The following CNBD1 variants were observed in gnomAD, a reference collection of about 807,000 sequenced individuals.
CNBD1 encodes the protein cyclic nucleotide binding domain containing 1, also known as cyclic nucleotide-binding domain-containing protein 1.
A neutral mutation model predicts 54.4 loss-of-function variants in CNBD1; 71 were observed. The ratio of observed to expected loss-of-function variants is 1.30; its 90% CI spans 1.08 to 1.59. The LOEUF (loss-of-function observed/expected upper bound fraction) is 1.59, where lower values mean the gene tolerates loss of function less well. CNBD1 is among the 40% of genes most tolerant of loss of function. The probability of loss-of-function intolerance (pLI) is 0.00; values close to 1 mark genes in which losing one functional copy is unlikely to be tolerated. For missense variants in CNBD1, 659 were observed against 518.0 expected, an observed-to-expected ratio of 1.27 and a Z score of -2.64; for synonymous variants, 182 against 170.7, an observed-to-expected ratio of 1.07 and a Z score of -0.51.
chr8:86,901,959 T>C (rs1328427968), intron 2 of CNBD1, among the ~76,000 whole-genome samples: 1 of 152,144 alleles, frequency 6.6e-6, no homozygotes, highest in African/African-American at 2.4e-5. Context: ...TGATGAGAAA[T>C]GGAAGACCCT....
chr8:87,362,490 C>CTATA (rs1810542395), intron 10 of CNBD1, among the ~76,000 whole-genome samples: 1 of 152,078 alleles, frequency 6.6e-6, no homozygotes, highest in Non-Finnish European at 1.5e-5. Context: ...TGTTGGGCAC[C>CTATA]TATAGCCTTT....
At chr8:87,344,164 C>T (rs895695482) in intron 8 of CNBD1, among the ~76,000 whole-genome samples, 1 of 152,014 alleles carries the variant, frequency 6.6e-6, no homozygotes, top group East Asian at 1.9e-4. Flanking sequence ...AGTTATTTAA[C>T]CCAACATAAT....
intron 8 of CNBD1, among the ~76,000 whole-genome samples, chr8:87,301,360 C>A (rs1325006125): frequency 6.6e-6 from 1 of 152,042 alleles, no homozygotes; most frequent in East Asian, 1.9e-4. Flanking sequence ...GCCAGCATCA[C>A]CCTAATACCA....
At chr8:87,321,092 C>T (rs947746672) in intron 8 of CNBD1, among the ~76,000 whole-genome samples, 2 of 146,360 alleles carry the variant, frequency 1.4e-5, no homozygotes, top group African/African-American at 5.0e-5. Flanking sequence ...ATTCTTTTGT[C>T]AATATCACTT....
At chr8:87,102,566 C>T (rs1281091281) in intron 4 of CNBD1, among the ~76,000 whole-genome samples, 3 of 152,118 alleles carry the variant, frequency 2.0e-5, no homozygotes, top group African/African-American at 4.8e-5. Flanking sequence ...GTAAACAACT[C>T]TGACATTTGA....
chr8:87,392,988 C>A (rs774428920), intron 2 of CNBD1, among the ~76,000 whole-genome samples: 1 of 151,682 alleles, frequency 6.6e-6, no homozygotes, highest in East Asian at 1.9e-4. Flanking sequence ...AGTGGTTCTA[C>A]GTAACATTTT....
intron 4 of CNBD1, among the ~76,000 whole-genome samples, chr8:87,081,738 C>T (rs2130666249): frequency 6.6e-6 from 1 of 152,066 alleles, no homozygotes; most frequent in East Asian, 1.9e-4. Flanking sequence ...GATCTCTTGA[C>T]CTCGTGATCT....
At chr8:87,367,761 G>C (rs539116087) in intron 10 of CNBD1, among the ~76,000 whole-genome samples, 1 of 152,200 alleles carries the variant, frequency 6.6e-6, no homozygotes, top group East Asian at 1.9e-4. Context: ...TGATATCAAT[G>C]CTCTCTATCG....
intron 2 of CNBD1, among the ~76,000 whole-genome samples, chr8:87,397,033 T>C (rs919127787): frequency 1.3e-5 from 2 of 151,930 alleles, no homozygotes; most frequent in Admixed American, 1.3e-4. Context: ...CCTTTGGTTT[T>C]AGAGGCAAGC....
At chr8:87,371,348 T>C (rs1259123755) in intron 10 of CNBD1, among the ~76,000 whole-genome samples, 1 of 152,094 alleles carries the variant, frequency 6.6e-6, no homozygotes, top group African/African-American at 2.4e-5. Flanking sequence ...TATTGATTCT[T>C]CCTACCCATG....
chr8:87,237,475 A>G lies in CNBD1; in HGVS notation c.771+363A>G, dbSNP rs1053023910. ...ATTGATTATGAAAGACCTTTAAATC[A>G]AGTCAAGAATGTATGTTTATTATGT... On this transcript the variant is annotated intron_variant, in intron 6 of 10. Coordinates refer to ENST00000518476, the MANE Select transcript of CNBD1 (RefSeq NM_173538.3). Among the ~76,000 whole-genome samples the G allele has an allele frequency of 2.0e-5, 3 of 152,046 alleles. No homozygotes were observed. In the South Asian group the frequency reaches 6.2e-4, roughly 31 times the overall value.
At chr8:87,334,831 C>T (rs1252851047) in intron 8 of CNBD1, among the ~76,000 whole-genome samples, 2 of 151,118 alleles carry the variant, frequency 1.3e-5, no homozygotes, top group Non-Finnish European at 2.9e-5. Context: ...TCAAGTGATT[C>T]TCCTGCCTCA....
chr8:86,927,423 G>T (rs1219713034), intron 3 of CNBD1, among the ~76,000 whole-genome samples: 1 of 152,014 alleles, frequency 6.6e-6, no homozygotes, highest in Non-Finnish European at 1.5e-5. Flanking sequence ...GATGATTTTT[G>T]GGGGCCCTGA....
chr8:87,321,797 CTTTTTCT>C (rs1809540817), intron 8 of CNBD1, among the ~76,000 whole-genome samples: 1 of 146,856 alleles, frequency 6.8e-6, no homozygotes. Flanking sequence ...TTTTCTTTTT[CTTTTTCT>C]TTTTTTTTTT....
At chr8:87,201,709 G>A (rs572991046) in intron 4 of CNBD1, among the ~76,000 whole-genome samples, 1 of 152,128 alleles carries the variant, frequency 6.6e-6, no homozygotes, top group Non-Finnish European at 1.5e-5. Context: ...AGGTAAAGAC[G>A]GTCCAAGTAA....
At chr8:87,371,662 G>T (rs914728540) in intron 10 of CNBD1, among the ~76,000 whole-genome samples, 4 of 151,988 alleles carry the variant, frequency 2.6e-5, no homozygotes, top group Non-Finnish European at 5.9e-5. Context: ...CTTCATCCCT[G>T]GGATGCAAGG....
chr8:87,102,675 G>A (rs934848987), intron 4 of CNBD1, among the ~76,000 whole-genome samples: 2 of 152,022 alleles, frequency 1.3e-5, no homozygotes, highest in African/African-American at 2.4e-5. Flanking sequence ...GTGCAGTGGC[G>A]CGATTTCGGC....
chr8:86,932,804 G>GA (rs946765558), intron 3 of CNBD1, among the ~76,000 whole-genome samples: 12 of 150,854 alleles, frequency 8.0e-5, no homozygotes, highest in African/African-American at 1.2e-4. Flanking sequence ...CCATCTGAAA[G>GA]AAAAAAAACT....
intron 4 of CNBD1, among the ~76,000 whole-genome samples, chr8:87,162,407 T>C (rs1239060624): frequency 6.6e-6 from 1 of 152,104 alleles, no homozygotes; most frequent in Admixed American, 6.6e-5. Context: ...TATTTGAAAA[T>C]GTCTGCTTTA....
Sources: gnomAD v4.1 joint callset for allele counts (sites outside exome capture counted in the v4.1 genomes callset) on GRCh38, gnomAD v4.1.1 for gene constraint, MANE v1.5 for transcripts, NCBI Gene and HGNC (gene_info 2026-07-23, HGNC 2026-07-21) for gene names.